PLCB1: variants seen among roughly 807,000 people sequenced by gnomAD.
The protein encoded by PLCB1 is 1-phosphatidylinositol 4,5-bisphosphate phosphodiesterase beta-1.
PLCB1 carries 46 observed loss-of-function variants against 161.8 expected under a neutral mutation model. The observed-to-expected ratio is 0.28, with a 90% CI of 0.22 to 0.36. The LOEUF is 0.36. Among genes scored for constraint, PLCB1 ranks in the 10% least tolerant of loss-of-function variants. The pLI is 1.00. For missense variants in PLCB1, 1,016 were observed against 1,472.5 expected (o/e 0.69, Z 5.07); for synonymous variants, 517 against 503.7 (o/e 1.03, Z -0.35).
chr20:8,174,479 CAG>C (rs1568578424), intron 2 of PLCB1, among the ~76,000 whole-genome samples: 1 of 151,938 alleles, frequency 6.6e-6, no homozygotes, highest in Non-Finnish European at 1.5e-5. Flanking sequence ...TTTTATAAAA[CAG>C]AAAGGAAAGT....
rs112457671 is a variant in PLCB1 at position 8,542,827 on chromosome 20, T to G, written c.247-85467T>G. 6.1e-3 allele frequency among the ~76,000 whole-genome samples: 929 copies of G among 152,342 alleles called. 8 individuals are homozygous for G. Among genetic ancestry groups the G allele is most frequent in the African/African-American group, 0.021 (864 of 41,578 alleles). ...CGAGGGACGTTAATTGAATTGCCTC[T>G]GTTGTGGCTGCAAAGTCAGCCAGTG... On this transcript the variant is annotated intron_variant, in intron 3 of 31. Transcript: ENST00000338037.
At chr20:8,359,015 GTTC>G (rs1986454298) in intron 2 of PLCB1, among the ~76,000 whole-genome samples, 2 of 152,116 alleles carry the variant, frequency 1.3e-5, no homozygotes, top group African/African-American at 4.8e-5. Context: ...TCTATTAGTT[GTTC>G]TTCTGTATTT....
intron 31 of PLCB1, among the ~76,000 whole-genome samples, chr20:8,794,348 A>C (rs528439626): frequency 6.6e-6 from 1 of 152,338 alleles, no homozygotes; most frequent in South Asian, 2.1e-4. Flanking sequence ...AGGCGTAAGA[A>C]ATTATAAAAG....
At chr20:8,391,349 A>G (rs1322556426) in intron 3 of PLCB1, among the ~76,000 whole-genome samples, 10 of 152,162 alleles carry the variant, frequency 6.6e-5, no homozygotes, top group Admixed American at 5.2e-4. Flanking sequence ...TAAGACTTAC[A>G]GTTCTTATTT....
At chr20:8,173,237 G>A (rs1039409022) in intron 2 of PLCB1, among the ~76,000 whole-genome samples, 1 of 152,142 alleles carries the variant, frequency 6.6e-6, no homozygotes, top group Non-Finnish European at 1.5e-5. Flanking sequence ...AGACTGCTGA[G>A]TGACACCGGT....
chr20:8,302,943 T>C (rs1022554688), intron 2 of PLCB1, among the ~76,000 whole-genome samples: 3 of 152,188 alleles, frequency 2.0e-5, no homozygotes, highest in Non-Finnish European at 2.9e-5. Context: ...AGATTGAAGA[T>C]GAAAATAGGC....
chr20:8,799,812 A>G (rs1020544021), intron 31 of PLCB1, among the ~76,000 whole-genome samples: 2 of 152,332 alleles, frequency 1.3e-5, no homozygotes, highest in African/African-American at 4.8e-5. Flanking sequence ...CATATAATCT[A>G]TGCATATTCT....
At chr20:8,284,399 G>T (rs1387548151) in intron 2 of PLCB1, among the ~76,000 whole-genome samples, 1 of 151,858 alleles carries the variant, frequency 6.6e-6, no homozygotes, top group Non-Finnish European at 1.5e-5. Flanking sequence ...CTACCTTCTG[G>T]TATGTGACAT....
At chr20:8,393,746 A>G (rs1298112889) in intron 3 of PLCB1, among the ~76,000 whole-genome samples, 1 of 152,008 alleles carries the variant, frequency 6.6e-6, no homozygotes, top group Non-Finnish European at 1.5e-5. Context: ...TTCTTTAACT[A>G]TGGGTCTCTT....
At position 8,528,371 on chromosome 20, in the gene PLCB1, T is replaced by C. The variant is rs548417954; in HGVS notation, c.247-99923T>C. On this transcript the variant is annotated intron_variant, in intron 3 of 31. Coordinates refer to ENST00000338037, the MANE Select transcript of PLCB1 (RefSeq NM_015192.4). ...AGTGCAGTAAAACTCAGGAATATAATAACATGAATAGATCTAAAAAAAGTT... is the reference window on the plus strand; with the variant it reads ...AGTGCAGTAAAACTCAGGAATATAACAACATGAATAGATCTAAAAAAAGTT... 2.6e-5 allele frequency among the ~76,000 whole-genome samples: 4 copies of C among 152,160 alleles called. No homozygotes were observed. In the East Asian group the frequency reaches 7.7e-4, roughly 29 times the overall value.
At chr20:8,452,068 A>G (rs561215429) in intron 3 of PLCB1, among the ~76,000 whole-genome samples, 1 of 152,328 alleles carries the variant, frequency 6.6e-6, no homozygotes, top group Non-Finnish European at 1.5e-5. Flanking sequence ...ATTTGAAACA[A>G]TGTTGATTCT....
rs193100137 is a variant in PLCB1, at chr20:8,699,893, T to C, written c.1167+2110T>C. Among the ~76,000 whole-genome samples the C allele has an allele frequency of 5.1e-4, 78 of 152,324 alleles. 1 individual carries two copies. In the East Asian group the frequency reaches 0.014, roughly 28 times the overall value. On this transcript the variant is annotated intron_variant, in intron 11 of 31. Transcript: ENST00000338037. Reference sequence around the variant, plus strand: ...AATACAGGGTTGACATTAATTCTGATCAAAATCTTTAAAAGCTGTGTCTGT... The same window carrying C: ...AATACAGGGTTGACATTAATTCTGACCAAAATCTTTAAAAGCTGTGTCTGT...
intron 31 of PLCB1, among the ~76,000 whole-genome samples, chr20:8,852,512 C>T (rs1248434193): frequency 6.6e-6 from 1 of 152,194 alleles, no homozygotes; most frequent in Non-Finnish European, 1.5e-5. Context: ...TTAAGATGGG[C>T]CTGTGGTCCT....
In PLCB1 at chr20:8,595,321, A is replaced by G. The variant is rs537503723; in HGVS notation, c.247-32973A>G. On this transcript the variant is annotated intron_variant, in intron 3 of 31. Transcript: ENST00000338037. ...TGTGTCCATGTGATCTCATTGTTCAATTCCCACCTATGAGCGAGAATATGC... is the reference window on the plus strand; with the variant it reads ...TGTGTCCATGTGATCTCATTGTTCAGTTCCCACCTATGAGCGAGAATATGC... Among the ~76,000 whole-genome samples the G allele has an allele frequency of 1.7e-4, 25 of 143,514 alleles. No individual in the cohort carries two copies. In the East Asian group the frequency reaches 3.0e-3, roughly 17 times the overall value. 94.2% of individuals were successfully genotyped at this position (143,514 alleles called of 152,430 possible).
At chr20:8,463,146 A>AGTGTGTGTGTGTGTGTGTGT (rs11472638) in intron 3 of PLCB1, among the ~76,000 whole-genome samples, 1 of 144,680 alleles carries the variant, frequency 6.9e-6, no homozygotes, top group Admixed American at 7.0e-5. Context: ...AGTACAGAGC[A>AGTGTGTGTGTGTGTGTGTGT]GTGTGTGTGT....
chr20:8,741,420 A>G (rs777630112), intron 22 of PLCB1, 44 bp from the exon 23 acceptor site: 20 of 1,340,914 alleles, frequency 1.5e-5, no homozygotes, highest in East Asian at 2.3e-5. Context: ...TGGATAATCA[A>G]TACTTCCAGG....
At chr20:8,175,767 G>A (rs571934617) in intron 2 of PLCB1, among the ~76,000 whole-genome samples, 172 of 151,952 alleles carry the variant, frequency 1.1e-3, no homozygotes, top group Non-Finnish European at 2.0e-3. Context: ...TCTGCCAAAG[G>A]ACTTGTATCT....
rs750635805 is a variant in PLCB1 at position 8,535,202 on chromosome 20, C to CGCAAA, written c.247-93092_247-93091insGCAAA. On this transcript the variant is annotated intron_variant, in intron 3 of 31. Coordinates refer to ENST00000338037, the MANE Select transcript of PLCB1 (RefSeq NM_015192.4). ...TTTTTCAGAAAATAGAGTTTATGGG[C>CGCAAA]AAAAAAAAAAAAAAAAAAAAAAAAG... Among the ~76,000 whole-genome samples the CGCAAA allele has an allele frequency of 7.6e-5, 4 of 52,802 alleles. No homozygotes were observed. The Admixed American group carries it at 1.2e-3, about 16-fold the overall frequency. The allele number at this position is 52,802 out of a possible 152,430, so 34.6% of individuals were successfully genotyped here.
At chr20:8,568,899 A>G (rs1199478769) in intron 3 of PLCB1, among the ~76,000 whole-genome samples, 2 of 152,204 alleles carry the variant, frequency 1.3e-5, no homozygotes, top group Non-Finnish European at 2.9e-5. Context: ...GGCAGCCAAT[A>G]TGGTGTGAGT....
Sources: gnomAD v4.1 joint callset for allele counts (sites outside exome capture counted in the v4.1 genomes callset) on GRCh38, gnomAD v4.1.1 for gene constraint, MANE v1.5 for transcripts, NCBI Gene and HGNC (gene_info 2026-07-23, HGNC 2026-07-21) for gene names.